GLP2R: variants seen among roughly 807,000 people sequenced by gnomAD.
The protein encoded by GLP2R is glucagon like peptide 2 receptor.
GLP2R carries 59 observed loss-of-function variants against 68.2 expected under a neutral mutation model. The observed-to-expected ratio is 0.87, with a 90% CI of 0.70 to 1.07. GLP2R has a LOEUF of 1.07. GLP2R is among the 50% of genes least tolerant of loss of function. The pLI, the probability that GLP2R is intolerant of heterozygous loss-of-function variation, is 0.00. For synonymous variants in GLP2R, 270 were observed against 265.4 expected, an observed-to-expected ratio of 1.02 and a Z score of -0.17; for missense variants, 548 against 677.4, an observed-to-expected ratio of 0.81 and a Z score of 2.12.
intron 1 of GLP2R, among the ~76,000 whole-genome samples, chr17:9,827,332 T>C (rs2066641582): frequency 6.6e-6 from 1 of 152,326 alleles, no homozygotes; most frequent in Middle Eastern, 3.4e-3. Flanking sequence ...CCTCATATTT[T>C]CTCCTTCTGT....
At chr17:9,834,360 T>A (rs922813456) in intron 2 of GLP2R, among the ~76,000 whole-genome samples, 3 of 152,118 alleles carry the variant, frequency 2.0e-5, no homozygotes, top group Non-Finnish European at 4.4e-5. Flanking sequence ...CATCACCTGA[T>A]CATATGACAT....
chr17:9,873,444 T>C (rs560615955), intron 10 of GLP2R, among the ~76,000 whole-genome samples: 49 of 152,212 alleles, frequency 3.2e-4, no homozygotes, highest in African/African-American at 8.2e-4. Context: ...CTGGGTATTC[T>C]GACTCCATAA....
intron 4 of GLP2R, among the ~76,000 whole-genome samples, chr17:9,847,086 G>A (rs544655870): frequency 3.0e-4 from 45 of 152,322 alleles, no homozygotes; most frequent in Middle Eastern, 6.8e-3. Context: ...CAGTGTGACC[G>A]CAGAGGATGC....
intron 4 of GLP2R, among the ~76,000 whole-genome samples, chr17:9,852,417 C>T (rs1428438862): frequency 6.6e-6 from 1 of 152,138 alleles, no homozygotes; most frequent in East Asian, 1.9e-4. Flanking sequence ...TTTTTTATGG[C>T]TGCATAGTAT....
intron 4 of GLP2R, 25 bp from the exon 5 acceptor site, chr17:9,854,470 A>G (rs773729734): frequency 1.4e-6 from 2 of 1,419,626 alleles, no homozygotes; most frequent in South Asian, 2.3e-5. Flanking sequence ...CTTAGTGGTC[A>G]TGTCTGCTCT....
intron 1 of GLP2R, among the ~76,000 whole-genome samples, chr17:9,826,756 A>C (rs1378683182): frequency 3.9e-5 from 6 of 152,196 alleles, no homozygotes. Flanking sequence ...CAAAGAAGTG[A>C]AATGCAAACT....
At chr17:9,864,031 T>G (rs1035076994) in intron 9 of GLP2R, among the ~76,000 whole-genome samples, 10 of 152,182 alleles carry the variant, frequency 6.6e-5, no homozygotes, top group Non-Finnish European at 1.5e-4. Context: ...GGATCCCTAG[T>G]GTTTACTTGC....
At chr17:9,857,752 G>T (rs570393021) in intron 6 of GLP2R, among the ~76,000 whole-genome samples, 176 bp downstream of exon 6, 4 of 129,460 alleles carry the variant, frequency 3.1e-5, no homozygotes, top group Middle Eastern at 3.6e-3. Context: ...CCAAGAGCAG[G>T]CCAGGTGAAA....
chr17:9,856,408 A>G (rs1346599760), intron 5 of GLP2R, among the ~76,000 whole-genome samples: 2 of 152,234 alleles, frequency 1.3e-5, no homozygotes, highest in Non-Finnish European at 2.9e-5. Flanking sequence ...AACCTGCCTC[A>G]GGTCCTTTTA....
chr17:9,888,019 TG>T, intron 12 of GLP2R, 46 bp downstream of exon 12: 1 of 1,343,458 alleles, frequency 7.4e-7, no homozygotes, highest in Non-Finnish European at 1.1e-6. Context: ...AGGTTGGGAC[TG>T]CAACCCTACC....
At chr17:9,827,447 T>C (rs17207885) in intron 1 of GLP2R, among the ~76,000 whole-genome samples, 18,527 of 152,162 alleles carry the variant, frequency 0.12, 1,259 homozygotes, top group East Asian at 0.26. Context: ...TGTTAGTAAA[T>C]GTAGATCCAT....
chr17:9,847,197 GT>G (rs1172039437), intron 4 of GLP2R, among the ~76,000 whole-genome samples: 3 of 152,186 alleles, frequency 2.0e-5, no homozygotes, highest in African/African-American at 7.2e-5. Flanking sequence ...TAATTAGGAA[GT>G]GATGAATTTG....
chr17:9,849,053 CTG>C (rs1433920972), intron 4 of GLP2R, among the ~76,000 whole-genome samples: 1 of 151,330 alleles, frequency 6.6e-6, no homozygotes, highest in Non-Finnish European at 1.5e-5. Flanking sequence ...ATTCATATAT[CTG>C]TATATAATTT....
Position 9,836,488 on chromosome 17 carries a change from AT to A in GLP2R, c.382+18del. ...TGGTGGAGTGAAGGTAATAAGTCTT[AT>A]TTTTACCAATTTTCCCCAACCAAGT... On this transcript the variant is annotated intron_variant, in intron 3 of 12. Transcript: ENST00000262441. 1 of 1,482,710 alleles carries A rather than the reference AT, an allele frequency of 6.7e-7. No homozygotes were observed. The highest frequency in any genetic ancestry group is 9.4e-7 in the Non-Finnish European group (1 of 1,060,430). 91.8% of individuals were successfully genotyped at this position (1,482,710 alleles called of 1,614,324 possible).
At chr17:9,879,499 A>C (rs1176777596) in intron 10 of GLP2R, among the ~76,000 whole-genome samples, 2 of 151,622 alleles carry the variant, frequency 1.3e-5, no homozygotes, top group Non-Finnish European at 2.9e-5. Flanking sequence ...CCTGTCTCTT[A>C]AAAAAAATTA....
intron 9 of GLP2R, chr17:9,866,916 A>G (rs1196686263): frequency 6.6e-6 from 1 of 152,246 alleles, no homozygotes; most frequent in Non-Finnish European, 1.5e-5. Flanking sequence ...TGTATGGAGC[A>G]GAACTCCCTC....
At chr17:9,881,071 A>T (rs2152048344) in intron 11 of GLP2R, among the ~76,000 whole-genome samples, 1 of 152,320 alleles carries the variant, frequency 6.6e-6, no homozygotes, top group East Asian at 1.9e-4. Context: ...GGCAATTTTT[A>T]AAATTATTTT....
chr17:9,842,682 G>A, intron 4 of GLP2R, 66 bp downstream of exon 4: 1 of 1,569,094 alleles, frequency 6.4e-7, no homozygotes, highest in Non-Finnish European at 8.7e-7. Context: ...GGACACCCCA[G>A]TGGCCTGCTG....
At chr17:9,859,331 G>A (rs924028496) in intron 6 of GLP2R, among the ~76,000 whole-genome samples, 2 of 152,064 alleles carry the variant, frequency 1.3e-5, no homozygotes, top group African/African-American at 2.4e-5. Context: ...TTCCATTAGG[G>A]CAGTTGCTGA....
Sources: allele counts gnomAD v4.1 joint callset (sites outside exome capture counted in the v4.1 genomes callset), GRCh38; gene constraint gnomAD v4.1.1; transcripts MANE v1.5; gene names NCBI Gene and HGNC (gene_info 2026-07-23, HGNC 2026-07-21).